SEPHS1: variants seen among roughly 807,000 people sequenced by gnomAD.
The protein encoded by SEPHS1 is selenophosphate synthetase 1.
SEPHS1 carries 7 observed loss-of-function variants against 39.2 expected under a neutral mutation model. The ratio of observed to expected loss-of-function variants is 0.18; its 90% CI spans 0.10 to 0.34. The LOEUF (loss-of-function observed/expected upper bound fraction) is 0.34, where lower values mean the gene tolerates loss of function less well. SEPHS1 is among the 10% of genes least tolerant of loss of function. The probability of loss-of-function intolerance (pLI) is 1.00; values close to 1 mark genes in which losing one functional copy is unlikely to be tolerated. For missense variants in SEPHS1, 253 were observed against 514.5 expected (o/e 0.49, Z 4.92); for synonymous variants, 190 against 195.5 (o/e 0.97, Z 0.23).
At chr10:13,324,620 GT>G (rs749639323) in intron 7 of SEPHS1, among the ~76,000 whole-genome samples, 73 of 151,916 alleles carry the variant, frequency 4.8e-4, no homozygotes, top group Admixed American at 1.4e-3. Context: ...GTGTTTTTGG[GT>G]TTTTTTTGAG....
chr10:13,330,090 C>T (rs1461573211), intron 5 of SEPHS1, among the ~76,000 whole-genome samples: 2 of 152,074 alleles, frequency 1.3e-5, no homozygotes, highest in African/African-American at 4.8e-5. Context: ...CTGGGCAACA[C>T]AACAAGGACC....
At chr10:13,329,941 C>G (rs1253896030) in intron 5 of SEPHS1, among the ~76,000 whole-genome samples, 153 bp from the exon 6 acceptor site, 2 of 152,166 alleles carry the variant, frequency 1.3e-5, no homozygotes, top group Non-Finnish European at 2.9e-5. Flanking sequence ...GGGACAGAGC[C>G]TTGCAACCTG....
At chr10:13,321,406 C>T (rs1833111205) in intron 8 of SEPHS1, among the ~76,000 whole-genome samples, 1 of 152,120 alleles carries the variant, frequency 6.6e-6, no homozygotes, top group Non-Finnish European at 1.5e-5. Context: ...CGCCACGACG[C>T]CCCGCTAATT....
At chr10:13,329,911 A>G in intron 5 of SEPHS1, 123 bp from the exon 6 acceptor site, 1 of 806,148 alleles carries the variant, frequency 1.2e-6, no homozygotes, top group Non-Finnish European at 2.0e-6. Context: ...CTTAAATTGA[A>G]GCCAACTACC....
intron 2 of SEPHS1, among the ~76,000 whole-genome samples, chr10:13,341,349 G>A (rs2130691747): frequency 6.6e-6 from 1 of 150,522 alleles, no homozygotes; most frequent in South Asian, 2.1e-4. Flanking sequence ...TTAATGACCA[G>A]GAGGCAATGG....
At chr10:13,329,412 G>A (rs1185727801) in intron 6 of SEPHS1, among the ~76,000 whole-genome samples, 1 of 152,130 alleles carries the variant, frequency 6.6e-6, no homozygotes, top group African/African-American at 2.4e-5. Context: ...CATGAAAGAC[G>A]AAGCTATCTC....
intron 7 of SEPHS1, among the ~76,000 whole-genome samples, chr10:13,326,550 CTTT>C (rs78465889): frequency 7.0e-6 from 1 of 142,266 alleles, no homozygotes. Flanking sequence ...TGATCTATAA[CTTT>C]TTTTTTTTTT....
intron 7 of SEPHS1, among the ~76,000 whole-genome samples, 174 bp from the exon 8 acceptor site, chr10:13,323,221 C>T (rs948652444): frequency 6.6e-6 from 1 of 152,116 alleles, no homozygotes; most frequent in African/African-American, 2.4e-5. Flanking sequence ...GTTCTTATTT[C>T]ACTTTGAGCC....
chr10:13,338,187 G>A (rs993028456), intron 3 of SEPHS1, among the ~76,000 whole-genome samples: 2 of 152,144 alleles, frequency 1.3e-5, no homozygotes, highest in African/African-American at 4.8e-5. Context: ...CACGGTGGTG[G>A]GTGTGCAAGT....
rs186620002 is a variant in SEPHS1, at chr10:13,322,822, C to T, written c.964+13G>A. The T allele has an allele frequency of 1.5e-4, 241 of 1,611,546 alleles. 2 individuals are homozygous for T. In the Middle Eastern group the frequency reaches 2.5e-3, roughly 17 times the overall value. ...TCACTATTTAGTCCTCAGATGCGCC[C>T]AGCATCCTGTACCTGAAGTCTCCGG... On this transcript the variant is annotated intron_variant, in intron 8 of 8. Coordinates refer to ENST00000327347, the MANE Select transcript of SEPHS1 (RefSeq NM_012247.5).
At chr10:13,333,241 C>T (rs1298425722) in intron 5 of SEPHS1, among the ~76,000 whole-genome samples, 2 of 151,382 alleles carry the variant, frequency 1.3e-5, no homozygotes, top group African/African-American at 4.9e-5. Context: ...TCAAGTGATT[C>T]TCCTGCCTCA....
intron 8 of SEPHS1, among the ~76,000 whole-genome samples, chr10:13,321,052 T>C (rs534344889): frequency 1.3e-5 from 2 of 151,904 alleles, no homozygotes; most frequent in Non-Finnish European, 2.9e-5. Flanking sequence ...ATAAAGGCGG[T>C]GAGAGGCCTG....
intron 7 of SEPHS1, among the ~76,000 whole-genome samples, chr10:13,326,063 C>A (rs966068094): frequency 6.6e-6 from 1 of 151,702 alleles, no homozygotes; most frequent in Non-Finnish European, 1.5e-5. Flanking sequence ...TTAATCTTCA[C>A]GAAAGGTATA....
At chr10:13,346,759 C>G (rs986038962) in intron 1 of SEPHS1, among the ~76,000 whole-genome samples, 2 of 152,134 alleles carry the variant, frequency 1.3e-5, no homozygotes, top group Non-Finnish European at 2.9e-5. Context: ...CACGAGGCAT[C>G]CAGTTATTTT....
intron 7 of SEPHS1, among the ~76,000 whole-genome samples, chr10:13,325,278 G>T (rs1245722544): frequency 6.6e-6 from 1 of 152,062 alleles, no homozygotes; most frequent in African/African-American, 2.4e-5. Flanking sequence ...GTTTTATATT[G>T]TTGTGTTTTA....
chr10:13,342,266 CAA>C (rs139606622), intron 2 of SEPHS1, among the ~76,000 whole-genome samples: 11 of 133,060 alleles, frequency 8.3e-5, no homozygotes, highest in African/African-American at 1.6e-4. Flanking sequence ...GACTCCGTCT[CAA>C]AAAAAAAAAA....
intron 5 of SEPHS1, among the ~76,000 whole-genome samples, chr10:13,330,824 GTTC>G (rs1290070131): frequency 7.9e-6 from 1 of 126,290 alleles, no homozygotes; most frequent in African/African-American, 2.5e-5. Flanking sequence ...TAAAGTTGAT[GTTC>G]TTTTTTTTTA....
chr10:13,344,743 C>T lies in SEPHS1; in HGVS notation c.193+15G>A. Reference sequence around the variant, plus strand: ...ATTGGATCGCAGACCATCAAAGAAACACTGGGTTACCTACCAAGCCTTGGC... The same window carrying T: ...ATTGGATCGCAGACCATCAAAGAAATACTGGGTTACCTACCAAGCCTTGGC... On this transcript the variant is annotated intron_variant, in intron 2 of 8. Coordinates refer to ENST00000327347, the MANE Select transcript of SEPHS1 (RefSeq NM_012247.5). 1.4e-6 allele frequency: 2 copies of T among 1,457,312 alleles called. No individual in the cohort carries two copies. Among genetic ancestry groups the T allele is most frequent in the Non-Finnish European group, 1.8e-6 (2 of 1,094,604 alleles). The allele number at this position is 1,457,312 out of a possible 1,614,324, so 90.3% of individuals were successfully genotyped here.
chr10:13,343,582 G>A (rs1833852179), intron 2 of SEPHS1, among the ~76,000 whole-genome samples: 1 of 152,172 alleles, frequency 6.6e-6, no homozygotes, highest in African/African-American at 2.4e-5. Flanking sequence ...GGGAGGCTGA[G>A]GCAGGCAGAT....
Sources: allele counts gnomAD v4.1 joint callset (sites outside exome capture counted in the v4.1 genomes callset), GRCh38; gene constraint gnomAD v4.1.1; transcripts MANE v1.5; gene names NCBI Gene and HGNC (gene_info 2026-07-23, HGNC 2026-07-21).